The following SUGP2 variants were observed in gnomAD, a reference collection of about 807,000 sequenced individuals.
The protein encoded by SUGP2 is SURP and G-patch domain-containing protein 2.
Under a neutral mutation model 90.5 loss-of-function variants are expected in SUGP2, and 24 were observed. That is an observed-to-expected ratio of 0.27 (90% confidence interval 0.19 to 0.37). SUGP2 has a LOEUF of 0.37. Ranked by LOEUF, SUGP2 falls within the 10% of genes least tolerant of loss-of-function variation. SUGP2 has a pLI of 1.00. For missense variants in SUGP2, 1,233 were observed against 1,363.3 expected (o/e 0.90, Z 1.51); for synonymous variants, 473 against 513.4 (o/e 0.92, Z 1.06).
rs761957764 is a variant in SUGP2 at position 19,004,151 on chromosome 19, G to A, written c.2929+17C>T. On this transcript the variant is annotated intron_variant, in intron 7 of 10. Coordinates refer to ENST00000452918, the MANE Select transcript of SUGP2 (RefSeq NM_001017392.5). ...GAACTGTGCTAGAGGCAACTGTGCC[G>A]ACAGGCGGGCACTCACCTTTTGGCT... 94 of 1,524,852 alleles carry A rather than the reference G, an allele frequency of 6.2e-5. No individual in the cohort carries two copies. Among genetic ancestry groups the A allele is most frequent in the South Asian group, 5.1e-5 (4 of 77,816 alleles). 94.5% of individuals were successfully genotyped at this position (1,524,852 alleles called of 1,614,324 possible). A position where few individuals can be genotyped will look rare whatever the true frequency, so the allele number is the denominator to read the frequency against.
intron 7 of SUGP2, among the ~76,000 whole-genome samples, chr19:19,003,264 G>C (rs1023800670): frequency 6.6e-6 from 1 of 152,210 alleles, no homozygotes; most frequent in African/African-American, 2.4e-5. Context: ...GAATGATGTA[G>C]AACACACAGG....
At chr19:19,028,056 G>A (rs1237050209) in intron 2 of SUGP2, among the ~76,000 whole-genome samples, 5 of 152,206 alleles carry the variant, frequency 3.3e-5, no homozygotes, top group Admixed American at 1.3e-4. Flanking sequence ...GGTGGGACCA[G>A]TAGGGGGCCA....
intron 4 of SUGP2, among the ~76,000 whole-genome samples, chr19:19,015,207 AT>A (rs1485399636): frequency 1.3e-3 from 7 of 5,300 alleles, no homozygotes; most frequent in South Asian, 0.01. Flanking sequence ...GTCTCAAAAA[AT>A]AAATAAATAA....
At chr19:19,021,745 C>T (rs1330914905) in intron 3 of SUGP2, among the ~76,000 whole-genome samples, 2 of 151,696 alleles carry the variant, frequency 1.3e-5, no homozygotes, top group African/African-American at 4.9e-5. Flanking sequence ...AGGCTCACTG[C>T]AACCTCCACT....
chr19:19,022,917 C>G (rs541385066), intron 3 of SUGP2, among the ~76,000 whole-genome samples: 1 of 152,138 alleles, frequency 6.6e-6, no homozygotes. Flanking sequence ...AAAACCACAT[C>G]GTGGGAAAAG....
In SUGP2 at chr19:18,993,345, A is replaced by AT. The variant is rs1475831851; in HGVS notation, c.*395dup. The AT allele has an allele frequency of 5.9e-5, 9 of 152,160 alleles. No individual in the cohort carries two copies. Among genetic ancestry groups the AT allele is most frequent in the Non-Finnish European group, 1.2e-4 (8 of 68,026 alleles). The allele number at this position is 152,160 out of a possible 1,614,324, so 9.4% of individuals were successfully genotyped here. ...AAACACCATCTGTGATCGTTTCCACATCACGTTTGCTAACAGAGCACTTCT... is the reference window on the plus strand; with the variant it reads ...AAACACCATCTGTGATCGTTTCCACATTCACGTTTGCTAACAGAGCACTTCT... On this transcript the variant is annotated 3_prime_UTR_variant, in exon 11 of 11. Transcript: ENST00000452918.
intron 8 of SUGP2, among the ~76,000 whole-genome samples, chr19:18,999,752 G>A: frequency 6.6e-6 from 1 of 152,172 alleles, no homozygotes; most frequent in East Asian, 1.9e-4. Flanking sequence ...GACCATGAAG[G>A]ACTGGTGAAG....
chr19:18,991,168 C>T lies in SUGP2; in HGVS notation c.*2573G>A, dbSNP rs1276475475. The T allele has an allele frequency of 1.3e-5, 2 of 152,194 alleles. No individual in the cohort carries two copies. The highest frequency in any genetic ancestry group is 4.8e-5 in the African/African-American group (2 of 41,442). The allele number at this position is 152,194 out of a possible 1,614,324, so 9.4% of individuals were successfully genotyped here. A position where few individuals can be genotyped will look rare whatever the true frequency, so the allele number is the denominator to read the frequency against. ...CCTGGAACTAGAACGACAGAAAAGACACTGTGACTTTGACACGGCTGTGCC... is the reference window on the plus strand; with the variant it reads ...CCTGGAACTAGAACGACAGAAAAGATACTGTGACTTTGACACGGCTGTGCC... On this transcript the variant is annotated 3_prime_UTR_variant, in exon 11 of 11. Transcript: ENST00000452918.
chr19:19,032,158 T>TTC (rs1381340940), intron 1 of SUGP2, among the ~76,000 whole-genome samples: 1 of 149,034 alleles, frequency 6.7e-6, no homozygotes, highest in Non-Finnish European at 1.5e-5. Context: ...AGATCAATCT[T>TTC]TTTTTTTTTT....
At chr19:19,001,803 G>T in intron 7 of SUGP2, 129 bp from the exon 8 acceptor site, 1 of 860,392 alleles carries the variant, frequency 1.2e-6, no homozygotes, top group Non-Finnish European at 1.9e-6. Context: ...GGCTCTGCAT[G>T]GCAGCTGCTG....
chr19:19,017,750 G>A (rs181067542), intron 4 of SUGP2, among the ~76,000 whole-genome samples: 6 of 151,908 alleles, frequency 3.9e-5, no homozygotes, highest in Admixed American at 1.3e-4. Context: ...CCAGCCTGGC[G>A]ACAGAGCAAG....
rs4808173 is a variant in SUGP2, at chr19:18,992,016, A to G, written c.*1725T>C. On this transcript the variant is annotated 3_prime_UTR_variant, in exon 11 of 11. Coordinates refer to ENST00000452918, the MANE Select transcript of SUGP2 (RefSeq NM_001017392.5). ...ACCAGGCAGACAAGGAGCTGGGACC[A>G]CAGCCTAGGAAGTCTGTGGCTTAAA... 1 of 152,060 alleles carries G rather than the reference A, an allele frequency of 6.6e-6. No homozygotes were observed. Among genetic ancestry groups the G allele is most frequent in the Admixed American group, 6.6e-5 (1 of 15,244 alleles). The allele number at this position is 152,060 out of a possible 1,614,324, so 9.4% of individuals were successfully genotyped here.
intron 8 of SUGP2, among the ~76,000 whole-genome samples, chr19:18,999,653 G>A (rs2057752971): frequency 6.6e-6 from 1 of 152,286 alleles, no homozygotes; most frequent in African/African-American, 2.4e-5. Context: ...GGGTCAGACT[G>A]ACCTAGGTCA....
intron 6 of SUGP2, 150 bp downstream of exon 6, chr19:19,008,167 A>G (rs2058160801): frequency 1.4e-6 from 1 of 712,188 alleles, no homozygotes; most frequent in East Asian, 2.5e-5. Flanking sequence ...GGCCAGTTGC[A>G]GTGGAGCACA....
rs558801066 is a variant in SUGP2, at chr19:18,992,207, C to G, written c.*1534G>C. 2 of 151,782 alleles carry G rather than the reference C, an allele frequency of 1.3e-5. No homozygotes were observed. Among genetic ancestry groups the G allele is most frequent in the African/African-American group, 4.8e-5 (2 of 41,286 alleles). The allele number at this position is 151,782 out of a possible 1,614,324, so 9.4% of individuals were successfully genotyped here. On this transcript the variant is annotated 3_prime_UTR_variant, in exon 11 of 11. Coordinates refer to ENST00000452918, the MANE Select transcript of SUGP2 (RefSeq NM_001017392.5). Reference sequence around the variant, plus strand: ...CTGGGACTACAAGCGCCCGCCACCACGCCCAGCTAATTTTTTGCATTTTTA... The same window carrying G: ...CTGGGACTACAAGCGCCCGCCACCAGGCCCAGCTAATTTTTTGCATTTTTA...
At position 19,001,861 on chromosome 19, in the gene SUGP2, C is replaced by T. The variant is rs374615107; in HGVS notation, c.2930-187G>A. Among the ~76,000 whole-genome samples the T allele has an allele frequency of 2.0e-4, 30 of 152,262 alleles. No homozygotes were observed. In the East Asian group the frequency reaches 5.0e-3, roughly 25 times the overall value. Reference sequence around the variant, plus strand: ...GAACATGTATGACCCCTGGAGTGAGCAGAGACGGGACACGCTCAGGGTAGG... The same window carrying T: ...GAACATGTATGACCCCTGGAGTGAGTAGAGACGGGACACGCTCAGGGTAGG... On this transcript the variant is annotated intron_variant, in intron 7 of 10. Transcript: ENST00000452918.
chr19:19,018,340 TCTTTA>T (rs1412563665), intron 4 of SUGP2, among the ~76,000 whole-genome samples: 2 of 148,930 alleles, frequency 1.3e-5, no homozygotes, highest in African/African-American at 5.0e-5. Context: ...TCTGGCTTGT[TCTTTA>T]CTTTCTCTAA....
At chr19:19,001,084 C>T (rs1057188295) in intron 8 of SUGP2, among the ~76,000 whole-genome samples, 5 of 150,886 alleles carry the variant, frequency 3.3e-5, no homozygotes, top group Admixed American at 1.3e-4. Context: ...GGCGCGATCT[C>T]GGCTCACTGC....
At chr19:19,016,307 C>A (rs1040865026) in intron 4 of SUGP2, among the ~76,000 whole-genome samples, 2 of 152,122 alleles carry the variant, frequency 1.3e-5, no homozygotes, top group African/African-American at 4.8e-5. Flanking sequence ...CCATGCCCGG[C>A]CGCTTATTTC....
Sources: gnomAD v4.1 joint callset for allele counts (sites outside exome capture counted in the v4.1 genomes callset) on GRCh38, gnomAD v4.1.1 for gene constraint, MANE v1.5 for transcripts, NCBI Gene and HGNC (gene_info 2026-07-23, HGNC 2026-07-21) for gene names.